The following EFHC1 variants were observed in gnomAD, a reference collection of about 807,000 sequenced individuals.
EFHC1 encodes EF-hand domain-containing protein 1.
EFHC1 carries 53 observed loss-of-function variants against 69.9 expected under a neutral mutation model. That is an observed-to-expected ratio of 0.76 (90% CI 0.61 to 0.95). The LOEUF is 0.95. Among genes scored for constraint, EFHC1 ranks in the 40% least tolerant of loss-of-function variants. EFHC1 has a pLI of 0.00. For missense variants in EFHC1, 739 were observed against 798.7 expected (o/e 0.93, Z 0.90); for synonymous variants, 256 against 278.4 (o/e 0.92, Z 0.80).
chr6:52,494,133 A>G lies in EFHC1; in HGVS notation c.*1792A>G, dbSNP rs1414381157. On this transcript the variant is annotated 3_prime_UTR_variant, in exon 11 of 11. Coordinates refer to ENST00000371068, the MANE Select transcript of EFHC1 (RefSeq NM_018100.4). ...CCTCTACTTATGGGGCTATGTCTCAATAAACTCACGTAAGTAAAAAATATC... is the reference window on the plus strand; with the variant it reads ...CCTCTACTTATGGGGCTATGTCTCAGTAAACTCACGTAAGTAAAAAATATC... 1 of 454,114 alleles carries G rather than the reference A, an allele frequency of 2.2e-6. No homozygotes were observed. The allele number at this position is 454,114 out of a possible 1,614,324, so 28.1% of individuals were successfully genotyped here.
intron 10 of EFHC1, among the ~76,000 whole-genome samples, 155 bp from the exon 11 acceptor site, chr6:52,492,115 A>G (rs1281645654): frequency 6.6e-6 from 1 of 152,228 alleles, no homozygotes; most frequent in Non-Finnish European, 1.5e-5. Context: ...CCTACCTGCC[A>G]GGTTCACAGG....
chr6:52,448,590 C>G lies in EFHC1; in HGVS notation c.574-4098C>G, dbSNP rs1020026275. 7.9e-5 allele frequency among the ~76,000 whole-genome samples: 12 copies of G among 152,196 alleles called. 1 individual carries two copies. Among genetic ancestry groups the G allele is most frequent in the Admixed American group, 5.2e-4 (8 of 15,280 alleles). Reference sequence around the variant, plus strand: ...TCTGACAAACCCCAGTGAGATGAACCCAGTACCTCAGTTGGTAATGCAGAA... The same window carrying G: ...TCTGACAAACCCCAGTGAGATGAACGCAGTACCTCAGTTGGTAATGCAGAA... On this transcript the variant is annotated intron_variant, in intron 3 of 10. Transcript: ENST00000371068.
At chr6:52,451,038 G>A (rs2113992490) in intron 3 of EFHC1, among the ~76,000 whole-genome samples, 1 of 152,234 alleles carries the variant, frequency 6.6e-6, no homozygotes, top group African/African-American at 2.4e-5. Context: ...GACCTCAAGT[G>A]ATCCACCCAC....
chr6:52,444,125 C>T (rs1442913743), intron 3 of EFHC1, among the ~76,000 whole-genome samples: 54 of 152,088 alleles, frequency 3.6e-4, no homozygotes, highest in Admixed American at 5.2e-4. Context: ...TTGTGATTTT[C>T]GCACATTGAT....
intron 2 of EFHC1, among the ~76,000 whole-genome samples, chr6:52,435,050 A>G (rs1764501891): frequency 1.3e-5 from 2 of 152,050 alleles, no homozygotes; most frequent in Non-Finnish European, 2.9e-5. Flanking sequence ...CACAGACTTG[A>G]TCTTTGGTTA....
chr6:52,449,591 A>G (rs975017694), intron 3 of EFHC1, among the ~76,000 whole-genome samples: 5 of 152,108 alleles, frequency 3.3e-5, no homozygotes, highest in African/African-American at 4.8e-5. Context: ...CATCTCTTCT[A>G]GGTTTTCTAG....
At chr6:52,449,693 T>G (rs1252378845) in intron 3 of EFHC1, among the ~76,000 whole-genome samples, 1 of 152,190 alleles carries the variant, frequency 6.6e-6, no homozygotes, top group African/African-American at 2.4e-5. Context: ...TTTCTAATTG[T>G]GTTTATTTAG....
At chr6:52,444,553 G>C (rs1247319143) in intron 3 of EFHC1, among the ~76,000 whole-genome samples, 2 of 152,146 alleles carry the variant, frequency 1.3e-5, no homozygotes, top group African/African-American at 4.8e-5. Flanking sequence ...TAATCACGTG[G>C]TTTTTGTCTT....
chr6:52,491,549 AAT>A (rs750351005), intron 10 of EFHC1, among the ~76,000 whole-genome samples: 43 of 145,882 alleles, frequency 2.9e-4, no homozygotes, highest in Non-Finnish European at 5.6e-4. Flanking sequence ...TGCTTTTATA[AAT>A]ATGGATGTTA....
chr6:52,454,919 T>G (rs1270695877), intron 5 of EFHC1, among the ~76,000 whole-genome samples: 1 of 151,646 alleles, frequency 6.6e-6, no homozygotes, highest in Non-Finnish European at 1.5e-5. Context: ...TGATGAAACC[T>G]CCTCTCTACA....
At position 52,490,341 on chromosome 6, in the gene EFHC1, G is replaced by C. The variant is rs1411515149; in HGVS notation, c.1842G>C (p.Leu614Phe). Residue 614 changes from leucine (L) to phenylalanine (F), a missense_variant, in exon 10 of 11, where the codon TTG (leucine) becomes TTC (phenylalanine). Physicochemically the swap from Leu to Phe is conservative, Grantham distance 22 (BLOSUM62 0). Transcript: ENST00000371068. Reference sequence around the variant, plus strand: ...TTAACGTCCCAGTGGATGACTCCTTGGTTAAGGAGGTCAGTATGAATTACT... The same window carrying C: ...TTAACGTCCCAGTGGATGACTCCTTCGTTAAGGAGGTCAGTATGAATTACT... ...ESLNVPVDDS[L>F]VKELIRMCSH... The C allele has an allele frequency of 6.2e-7, 1 of 1,613,360 alleles. No individual in the cohort carries two copies. Among genetic ancestry groups the C allele is most frequent in the Non-Finnish European group, 8.5e-7 (1 of 1,179,354 alleles).
Position 52,438,588 on chromosome 6 carries a change from A to G in EFHC1, c.570A>G (p.Thr190=). 1 of 1,614,008 alleles carries G rather than the reference A, an allele frequency of 6.2e-7. No homozygotes were observed. The change falls in exon 3 of 11, where the codon ACA becomes ACG. Residue 190 remains threonine, a synonymous_variant. Coordinates refer to ENST00000371068, the MANE Select transcript of EFHC1 (RefSeq NM_018100.4). ...GCGTTGTTGACTGTGACCAATTCAC[A>G]CAGGTATAGCATATATTTTTGAAAG... ...TFRVVDCDQF[T]QVFLESQGIE...
chr6:52,453,416 G>A (rs1764962860), intron 4 of EFHC1: 3 of 1,286,764 alleles, frequency 2.3e-6, no homozygotes, highest in African/African-American at 3.0e-5. Context: ...TTCCCTTTCT[G>A]TACTAAAGGG....
intron 3 of EFHC1, among the ~76,000 whole-genome samples, chr6:52,438,877 A>T (rs1764596378): frequency 6.6e-6 from 1 of 152,200 alleles, no homozygotes; most frequent in Non-Finnish European, 1.5e-5. Context: ...TCAAACAGGG[A>T]GTAGGGGAAT....
At position 52,420,972 on chromosome 6, in the gene EFHC1, T is replaced by C. The variant is rs577147500; in HGVS notation, c.63+499T>C. 4 of 1,044,094 alleles carry C rather than the reference T, an allele frequency of 3.8e-6. No homozygotes were observed. In the East Asian group the frequency reaches 3.2e-4, roughly 82 times the overall value. 64.7% of individuals were successfully genotyped at this position (1,044,094 alleles called of 1,614,324 possible). A position where few individuals can be genotyped will look rare whatever the true frequency, so the allele number is the denominator to read the frequency against. ...AGGTCCGTCATTCCCGCCCCACCTC[T>C]TCCTCTTCTGAATCCTGTACCCGGT... is the stretch of plus-strand genomic sequence containing the variant. On this transcript the variant is annotated intron_variant, in intron 1 of 10. Coordinates refer to ENST00000371068, the MANE Select transcript of EFHC1 (RefSeq NM_018100.4).
At chr6:52,431,720 G>C (rs1764418902) in intron 2 of EFHC1, among the ~76,000 whole-genome samples, 1 of 152,112 alleles carries the variant, frequency 6.6e-6, no homozygotes, top group African/African-American at 2.4e-5. Flanking sequence ...AAGTCCATTT[G>C]TTCCAGGGTA....
intron 4 of EFHC1, chr6:52,453,342 A>C (rs1764961459): frequency 7.8e-7 from 1 of 1,287,202 alleles, no homozygotes; most frequent in Non-Finnish European, 1.0e-6. Context: ...GCATTTTCCA[A>C]CTCTGTTCCA....
At chr6:52,448,293 C>T (rs552303037) in intron 3 of EFHC1, among the ~76,000 whole-genome samples, 7 of 152,210 alleles carry the variant, frequency 4.6e-5, no homozygotes, top group African/African-American at 9.7e-5. Flanking sequence ...CCACCAGCCT[C>T]GCTGCCGCCT....
intron 3 of EFHC1, among the ~76,000 whole-genome samples, chr6:52,447,363 A>T (rs916041494): frequency 3.0e-4 from 45 of 152,244 alleles, no homozygotes; most frequent in Admixed American, 2.3e-3. Flanking sequence ...TCGGCTACTG[A>T]AGCTTATGCA....
Sources: allele counts gnomAD v4.1 joint callset (sites outside exome capture counted in the v4.1 genomes callset), GRCh38; gene constraint gnomAD v4.1.1; transcripts MANE v1.5; gene names NCBI Gene and HGNC (gene_info 2026-07-23, HGNC 2026-07-21).